The following TTC3 variants were observed in gnomAD, a reference collection of about 807,000 sequenced individuals.
TTC3 encodes the protein tetratricopeptide repeat domain 3, also known as E3 ubiquitin-protein ligase TTC3.
In TTC3, 180 loss-of-function variants were observed where a neutral mutation model predicts 249.6. That is an observed-to-expected ratio of 0.72 (90% CI 0.64 to 0.82). The LOEUF is 0.82. Among genes scored for constraint, TTC3 ranks in the 40% least tolerant of loss-of-function variants. The pLI, the probability that TTC3 is intolerant of heterozygous loss-of-function variation, is 0.00. For missense variants in TTC3, 2,061 were observed against 2,398.4 expected (o/e 0.86, Z 2.94); for synonymous variants, 717 against 805.0 (o/e 0.89, Z 1.85).
chr21:37,098,602 C>G (rs2074177781), intron 10 of TTC3: 1 of 152,206 alleles, frequency 6.6e-6, no homozygotes, highest in Non-Finnish European at 1.5e-5. Context: ...TCTTATTAGG[C>G]AATCACCAAT....
chr21:37,146,544 A>T (rs1427808303), intron 21 of TTC3, among the ~76,000 whole-genome samples: 2 of 152,088 alleles, frequency 1.3e-5, no homozygotes, highest in African/African-American at 4.8e-5. Context: ...TACTGATAAC[A>T]TGCTGCAGCA....
intron 39 of TTC3, among the ~76,000 whole-genome samples, chr21:37,190,180 C>T (rs1434512659): frequency 2.7e-5 from 3 of 110,362 alleles, no homozygotes; most frequent in Non-Finnish European, 5.0e-5. Context: ...CTTGCTCTGT[C>T]GCACAGGCTG....
intron 18 of TTC3, among the ~76,000 whole-genome samples, chr21:37,137,558 G>A (rs2078065902): frequency 6.6e-6 from 1 of 152,110 alleles, no homozygotes; most frequent in African/African-American, 2.4e-5. Flanking sequence ...GAAGGGATAA[G>A]GAGTTGCTTT....
At chr21:37,140,454 T>C in intron 19 of TTC3, 107 bp from the exon 20 acceptor site, 1 of 698,936 alleles carries the variant, frequency 1.4e-6, no homozygotes, top group Non-Finnish European at 2.2e-6. Context: ...AATTTGGGGA[T>C]ATGCAGTTGT....
intron 37 of TTC3, among the ~76,000 whole-genome samples, chr21:37,186,566 G>A (rs879547761): frequency 1.2e-4 from 19 of 152,022 alleles, no homozygotes; most frequent in Non-Finnish European, 2.6e-4. Context: ...TCAGCCTCTC[G>A]AGTAGCTGGG....
chr21:37,120,502 T>C (rs2076496303), intron 11 of TTC3, among the ~76,000 whole-genome samples: 1 of 152,234 alleles, frequency 6.6e-6, no homozygotes, highest in Non-Finnish European at 1.5e-5. Flanking sequence ...TTAATGCAGT[T>C]ATTTAAACTT....
chr21:37,143,919 A>C (rs2078736667), intron 20 of TTC3, among the ~76,000 whole-genome samples: 1 of 141,416 alleles, frequency 7.1e-6, no homozygotes, highest in African/African-American at 2.7e-5. Flanking sequence ...AGCCATAAAA[A>C]AGGATGAGTT....
exon 27 of TTC3, chr21:37,153,134 T>G: frequency 6.2e-7 from 1 of 1,614,004 alleles, no homozygotes; most frequent in Non-Finnish European, 8.5e-7. Context: ...AGAAATTTTC[T>G]AAATGAAGCA....
intron 36 of TTC3, 52 bp downstream of exon 36, chr21:37,182,965 C>T: frequency 7.1e-7 from 1 of 1,402,186 alleles, no homozygotes; most frequent in Non-Finnish European, 9.4e-7. Context: ...AATATTGTGG[C>T]TTTTGGTTAT....
exon 27 of TTC3, chr21:37,153,189 A>G (rs761969520): frequency 1.9e-6 from 3 of 1,614,070 alleles, no homozygotes; most frequent in South Asian, 2.2e-5. Flanking sequence ...ATAACAGAGT[A>G]AAGACAAGAA....
intron 1 of TTC3, chr21:37,086,144 A>G (rs916264546): frequency 1.3e-5 from 2 of 152,262 alleles, no homozygotes; most frequent in Non-Finnish European, 2.9e-5. Context: ...TGAAGTTTTC[A>G]TACAGCAAAT....
intron 35 of TTC3, among the ~76,000 whole-genome samples, chr21:37,174,635 T>C (rs915662439): frequency 6.6e-6 from 1 of 152,194 alleles, no homozygotes; most frequent in African/African-American, 2.4e-5. Context: ...AGCAAATGCA[T>C]ACCCAGCCCC....
intron 35 of TTC3, among the ~76,000 whole-genome samples, chr21:37,182,066 T>C (rs2082811024): frequency 6.6e-6 from 1 of 152,262 alleles, no homozygotes; most frequent in African/African-American, 2.4e-5. Context: ...TTTAAATTAA[T>C]TATTAGAAAT....
chr21:37,099,130 C>T (rs1311450408), intron 10 of TTC3: 1 of 152,092 alleles, frequency 6.6e-6, no homozygotes, highest in Admixed American at 6.6e-5. Flanking sequence ...GCTAAAACTT[C>T]TGAAATAATT....
At chr21:37,108,937 G>A (rs1054530275) in intron 11 of TTC3, among the ~76,000 whole-genome samples, 1 of 152,136 alleles carries the variant, frequency 6.6e-6, no homozygotes, top group Non-Finnish European at 1.5e-5. Flanking sequence ...ATATATAACT[G>A]GTAGGATTTA....
Position 37,110,467 on chromosome 21 carries a change from GATGAA to G in TTC3, c.900+2027_900+2031del, listed in dbSNP as rs1356216970. On this transcript the variant is annotated intron_variant, in intron 11 of 45. Coordinates refer to ENST00000355666, the Ensembl canonical transcript of TTC3. ...GGAAGAAAGGGTATCAGCGATGGAA[GATGAA>G]ATGAATGAAATGAAGCATGAAGATA... 5.3e-5 allele frequency among the ~76,000 whole-genome samples: 8 copies of G among 152,326 alleles called. No individual in the cohort carries two copies. In the East Asian group the frequency reaches 5.8e-4, roughly 11 times the overall value.
intron 18 of TTC3, among the ~76,000 whole-genome samples, chr21:37,137,878 A>G (rs1006409772): frequency 2.0e-4 from 31 of 152,172 alleles, no homozygotes; most frequent in South Asian, 4.1e-4. Flanking sequence ...ATCAATATCA[A>G]GGCAAGACCA....
At chr21:37,085,320 T>G (rs1195770608) in intron 1 of TTC3, among the ~76,000 whole-genome samples, 2 of 152,224 alleles carry the variant, frequency 1.3e-5, no homozygotes, top group Non-Finnish European at 2.9e-5. Context: ...AGAGTTAAAT[T>G]TTTTAAACTC....
chr21:37,139,809 G>GA (rs5843794), intron 19 of TTC3, among the ~76,000 whole-genome samples: 9 of 150,162 alleles, frequency 6.0e-5, no homozygotes, highest in East Asian at 3.9e-4. Context: ...GACTGATTTA[G>GA]AAAAAAAAAA....
Sources: gnomAD v4.1 joint callset for allele counts (sites outside exome capture counted in the v4.1 genomes callset) on GRCh38, gnomAD v4.1.1 for gene constraint, MANE v1.5 for transcripts, NCBI Gene and HGNC (gene_info 2026-07-23, HGNC 2026-07-21) for gene names.